Variants in CTIF observed in about 807,000 individuals in gnomAD.
CTIF encodes the protein CBP80/20-dependent translation initiation factor.
CTIF carries 21 observed loss-of-function variants against 66.0 expected under a neutral mutation model. The ratio of observed to expected loss-of-function variants is 0.32; its 90% CI spans 0.23 to 0.46. The LOEUF (loss-of-function observed/expected upper bound fraction) is 0.46, where lower values mean the gene tolerates loss of function less well. Among genes scored for constraint, CTIF ranks in the 20% least tolerant of loss-of-function variants. The pLI is 1.00. For missense variants in CTIF, 739 were observed against 812.7 expected (o/e 0.91, Z 1.10); for synonymous variants, 345 against 326.4 (o/e 1.06, Z -0.62).
chr18:48,609,204 C>G (rs1270055750), intron 1 of CTIF, among the ~76,000 whole-genome samples: 1 of 152,114 alleles, frequency 6.6e-6, no homozygotes, highest in East Asian at 1.9e-4. Flanking sequence ...AAGGAGGACT[C>G]AGGGTGTTCA....
intron 7 of CTIF, among the ~76,000 whole-genome samples, chr18:48,735,094 TGC>T (rs144483319): frequency 7.7e-4 from 104 of 135,258 alleles, no homozygotes; most frequent in Admixed American, 1.6e-3. Context: ...CCAGTTTGTG[TGC>T]GTGTGTGTGT....
At chr18:48,827,535 CA>C (rs1457911691) in intron 10 of CTIF, among the ~76,000 whole-genome samples, 2 of 152,166 alleles carry the variant, frequency 1.3e-5, no homozygotes, top group Non-Finnish European at 2.9e-5. Flanking sequence ...CTGTAACGGT[CA>C]AACAAAAAGA....
chr18:48,610,956 C>T (rs2090297257), intron 1 of CTIF, among the ~76,000 whole-genome samples: 1 of 152,190 alleles, frequency 6.6e-6, no homozygotes, highest in Admixed American at 6.5e-5. Flanking sequence ...GATTGTAACC[C>T]AGAACTGCGC....
At chr18:48,691,212 G>C (rs9953732) in intron 6 of CTIF, among the ~76,000 whole-genome samples, 1 of 152,042 alleles carries the variant, frequency 6.6e-6, no homozygotes, top group Non-Finnish European at 1.5e-5. Context: ...AAAGTCTCCC[G>C]GCATTTCCAA....
At chr18:48,669,711 A>G (rs1475304149) in intron 5 of CTIF, among the ~76,000 whole-genome samples, 1 of 148,602 alleles carries the variant, frequency 6.7e-6, no homozygotes, top group East Asian at 2.0e-4. Flanking sequence ...TATGTTTAAG[A>G]TATATTTAAT....
chr18:48,743,483 TC>T (rs1241436130), intron 7 of CTIF, among the ~76,000 whole-genome samples: 3 of 152,246 alleles, frequency 2.0e-5, no homozygotes, highest in African/African-American at 7.2e-5. Flanking sequence ...CCTTATATAG[TC>T]AAACTTTAGC....
At chr18:48,733,928 G>A (rs868312909) in intron 7 of CTIF, among the ~76,000 whole-genome samples, 7 of 152,200 alleles carry the variant, frequency 4.6e-5, no homozygotes, top group Admixed American at 6.5e-5. Flanking sequence ...GAGAATGCTC[G>A]GAGCATTTCA....
At chr18:48,591,770 CAG>C (rs933325094) in intron 1 of CTIF, among the ~76,000 whole-genome samples, 3 of 152,162 alleles carry the variant, frequency 2.0e-5, no homozygotes, top group Non-Finnish European at 2.9e-5. Flanking sequence ...TTCTTAGAGA[CAG>C]GGTCTCGCTC....
chr18:48,638,119 CT>C (rs768467969), intron 3 of CTIF, among the ~76,000 whole-genome samples: 129 of 152,210 alleles, frequency 8.5e-4, no homozygotes, highest in Admixed American at 1.6e-3. Flanking sequence ...GACCCCCTAG[CT>C]TTTGGTCTAG....
At chr18:48,814,422 A>G (rs939771913) in intron 9 of CTIF, among the ~76,000 whole-genome samples, 11 of 152,186 alleles carry the variant, frequency 7.2e-5, no homozygotes, top group Admixed American at 3.9e-4. Context: ...GGTGACTCCA[A>G]TGTACAACCA....
At chr18:48,742,616 G>A (rs1389135981) in intron 7 of CTIF, among the ~76,000 whole-genome samples, 1 of 152,232 alleles carries the variant, frequency 6.6e-6, no homozygotes, top group African/African-American at 2.4e-5. Flanking sequence ...ATTGAGCCTT[G>A]CTCTGTGTCA....
chr18:48,550,983 A>G (rs1477549389), intron 1 of CTIF, among the ~76,000 whole-genome samples: 1 of 152,042 alleles, frequency 6.6e-6, no homozygotes, highest in Non-Finnish European at 1.5e-5. Context: ...AAAGGTAATC[A>G]ACTATCCTGT....
rs371417012 is a variant in CTIF, at chr18:48,752,597, A to G, written c.585-5322A>G. Among the ~76,000 whole-genome samples the G allele has an allele frequency of 1.2e-3, 181 of 152,340 alleles. 9 individuals carry two copies. The South Asian group carries it at 0.037, about 31-fold the overall frequency. On this transcript the variant is annotated intron_variant, in intron 7 of 11. Coordinates refer to ENST00000256413, the MANE Select transcript of CTIF (RefSeq NM_014772.3). ...TTTCTCATCCGTCATGCTGTGACTC[A>G]TGTAATCCTTACAACTGCCCCTCAG... is the stretch of plus-strand genomic sequence containing the variant.
At chr18:48,809,815 TATC>T (rs1002660157) in intron 9 of CTIF, among the ~76,000 whole-genome samples, 12 of 152,096 alleles carry the variant, frequency 7.9e-5, no homozygotes, top group African/African-American at 2.9e-4. Context: ...TTTTCAAAAT[TATC>T]AACATAGAGT....
At chr18:48,726,594 G>C (rs2092389251) in intron 7 of CTIF, among the ~76,000 whole-genome samples, 1 of 152,110 alleles carries the variant, frequency 6.6e-6, no homozygotes, top group Admixed American at 6.5e-5. Context: ...CTCTTCATAG[G>C]GCTGTTCATG....
chr18:48,650,237 G>T (rs1421920909), intron 3 of CTIF, among the ~76,000 whole-genome samples: 1 of 152,158 alleles, frequency 6.6e-6, no homozygotes, highest in African/African-American at 2.4e-5. Flanking sequence ...CTTGAAAAAA[G>T]ATTAGACAAA....
rs575748786 is a variant in CTIF at position 48,733,396 on chromosome 18, G to A, written c.584+21701G>A. Among the ~76,000 whole-genome samples, 6 of 152,324 alleles carry A rather than the reference G, an allele frequency of 3.9e-5. No homozygotes were observed. The East Asian group carries it at 1.2e-3, about 29-fold the overall frequency. On this transcript the variant is annotated intron_variant, in intron 7 of 11. Transcript: ENST00000256413. Reference sequence around the variant, plus strand: ...CTGCAGATCCAGCCGCAGCCTGAGTGTTGAATAGGGCTAGCTGAGCTCTTT... The same window carrying A: ...CTGCAGATCCAGCCGCAGCCTGAGTATTGAATAGGGCTAGCTGAGCTCTTT...
chr18:48,716,133 G>T (rs1038204557), intron 7 of CTIF, among the ~76,000 whole-genome samples: 1 of 152,222 alleles, frequency 6.6e-6, no homozygotes, highest in Non-Finnish European at 1.5e-5. Context: ...CTGCAGTGAA[G>T]CACTGTTCAG....
chr18:48,812,463 C>A (rs1167542307), intron 9 of CTIF, among the ~76,000 whole-genome samples: 3 of 152,152 alleles, frequency 2.0e-5, no homozygotes, highest in African/African-American at 7.2e-5. Flanking sequence ...AAGTATAAGG[C>A]CAACCAGATT....
Sources: gnomAD v4.1 joint callset for allele counts (sites outside exome capture counted in the v4.1 genomes callset) on GRCh38, gnomAD v4.1.1 for gene constraint, MANE v1.5 for transcripts, NCBI Gene and HGNC (gene_info 2026-07-23, HGNC 2026-07-21) for gene names.